SWT1: variants seen among roughly 807,000 people sequenced by gnomAD.
The protein encoded by SWT1 is SWT1 RNA endoribonuclease homolog.
SWT1 carries 33 observed loss-of-function variants against 107.3 expected under a neutral mutation model. The ratio of observed to expected loss-of-function variants is 0.31; its 90% CI spans 0.23 to 0.41. SWT1 has a LOEUF of 0.41. SWT1 is among the 10% of genes least tolerant of loss of function. The pLI, the probability that SWT1 is intolerant of heterozygous loss-of-function variation, is 1.00. For synonymous variants in SWT1, 345 were observed against 348.3 expected (o/e 0.99, Z 0.11); for missense variants, 898 against 1,028.9 (o/e 0.87, Z 1.74).
intron 16 of SWT1, among the ~76,000 whole-genome samples, chr1:185,255,461 C>T (rs1662417178): frequency 1.5e-5 from 2 of 134,128 alleles, no homozygotes; most frequent in Admixed American, 1.5e-4. Context: ...AATCTTGGTG[C>T]TCCTGTATTG....
intron 17 of SWT1, among the ~76,000 whole-genome samples, chr1:185,275,649 T>C (rs1376437594): frequency 6.6e-6 from 1 of 151,896 alleles, no homozygotes; most frequent in Non-Finnish European, 1.5e-5. Flanking sequence ...CCTTCCAAAG[T>C]GCTGGGATTA....
chr1:185,178,804 T>A (rs1490812339), intron 5 of SWT1, among the ~76,000 whole-genome samples: 1 of 152,208 alleles, frequency 6.6e-6, no homozygotes, highest in Non-Finnish European at 1.5e-5. Context: ...ATTATGACTC[T>A]CAGGGTCATG....
upstream of SWT1, chr1:185,157,063 C>A: frequency 3.5e-6 from 1 of 287,352 alleles, no homozygotes; most frequent in Non-Finnish European, 6.7e-6. Context: ...CCAAACCGAA[C>A]AAAGACTACA....
At chr1:185,264,184 G>A (rs987696251) in intron 16 of SWT1, 2 of 208,924 alleles carry the variant, frequency 9.6e-6, no homozygotes, top group African/African-American at 4.8e-5. Context: ...TTCACATTTG[G>A]CGCCTCTTTT....
At chr1:185,286,385 G>A (rs1442275095) in intron 18 of SWT1, among the ~76,000 whole-genome samples, 1 of 151,886 alleles carries the variant, frequency 6.6e-6, no homozygotes, top group Non-Finnish European at 1.5e-5. Context: ...CACCAGGCCC[G>A]GCTAATTTTT....
intron 13 of SWT1, among the ~76,000 whole-genome samples, chr1:185,211,015 A>G (rs568461999): frequency 4.6e-4 from 62 of 136,020 alleles, no homozygotes; most frequent in African/African-American, 1.4e-3. Context: ...GTCAAGAACT[A>G]CAAACCGCTG....
chr1:185,185,531 C>T (rs1010589997), intron 9 of SWT1, among the ~76,000 whole-genome samples: 1 of 152,000 alleles, frequency 6.6e-6, no homozygotes, highest in Non-Finnish European at 1.5e-5. Flanking sequence ...GGAGTTTATA[C>T]ATATATATTT....
At chr1:185,260,939 A>G (rs982709157) in intron 16 of SWT1, among the ~76,000 whole-genome samples, 16 of 152,148 alleles carry the variant, frequency 1.1e-4, no homozygotes, top group African/African-American at 3.4e-4. Flanking sequence ...TGGTTCCTCA[A>G]AAACCTCCTT....
intron 16 of SWT1, among the ~76,000 whole-genome samples, chr1:185,268,154 A>G (rs1341414076): frequency 6.6e-5 from 10 of 152,224 alleles, no homozygotes; most frequent in African/African-American, 1.7e-4. Context: ...AAATTTTATC[A>G]TATATCCTAT....
intron 16 of SWT1, among the ~76,000 whole-genome samples, chr1:185,254,397 T>G (rs1662307650): frequency 7.7e-6 from 1 of 129,932 alleles, no homozygotes; most frequent in African/African-American, 3.5e-5. Flanking sequence ...CGGCTGTGAA[T>G]CCATCTGGTC....
At chr1:185,217,051 T>A (rs770612991) in intron 14 of SWT1, among the ~76,000 whole-genome samples, 2 of 152,210 alleles carry the variant, frequency 1.3e-5, no homozygotes, top group African/African-American at 2.4e-5. Flanking sequence ...AGCAAGAGAT[T>A]CATGAAGGCG....
intron 18 of SWT1, among the ~76,000 whole-genome samples, chr1:185,286,942 C>T (rs1460969894): frequency 3.3e-5 from 5 of 151,982 alleles, no homozygotes; most frequent in Admixed American, 6.5e-5. Context: ...ATTCTTTTAC[C>T]GTTGATGTTA....
chr1:185,273,252 A>C (rs1664009329), intron 17 of SWT1, among the ~76,000 whole-genome samples: 1 of 152,106 alleles, frequency 6.6e-6, no homozygotes, highest in Non-Finnish European at 1.5e-5. Flanking sequence ...TAAAAGTACA[A>C]AAATTAGCTA....
chr1:185,286,174 T>C (rs1266563306), intron 18 of SWT1, among the ~76,000 whole-genome samples: 1 of 152,148 alleles, frequency 6.6e-6, no homozygotes, highest in East Asian at 1.9e-4. Flanking sequence ...TCCATTAACA[T>C]AGGATGCTTT....
In SWT1 at chr1:185,231,714, C is replaced by T. The variant is rs368682897; in HGVS notation, c.2441+6C>T. The T allele has an allele frequency of 1.2e-5, 19 of 1,594,622 alleles. No homozygotes were observed. The African/African-American group carries it at 2.2e-4, about 18-fold the overall frequency. ...ATTCTTGAAGGAATTCAAAGGTAAA[C>T]ACTATATTAATTTTAAAGTGTTATT... On this transcript the variant is annotated splice_donor_region_variant and intron_variant, in intron 16 of 18. Coordinates refer to ENST00000367500, the MANE Select transcript of SWT1 (RefSeq NM_017673.7).
At chr1:185,273,149 A>G (rs866084468) in intron 17 of SWT1, among the ~76,000 whole-genome samples, 1 of 152,190 alleles carries the variant, frequency 6.6e-6, no homozygotes, top group Non-Finnish European at 1.5e-5. Flanking sequence ...TCACAGCTAT[A>G]ATCTCAGCAC....
At chr1:185,267,936 C>T (rs549545072) in intron 16 of SWT1, among the ~76,000 whole-genome samples, 1 of 152,246 alleles carries the variant, frequency 6.6e-6, no homozygotes, top group South Asian at 2.1e-4. Context: ...GGCATTTTCT[C>T]TATTTTATTT....
rs1267585658 is a variant in SWT1 at position 185,174,683 on chromosome 1, A to G, written c.536A>G (p.Gln179Arg). 2 of 1,613,680 alleles carry G rather than the reference A, an allele frequency of 1.2e-6. No individual in the cohort carries two copies. The highest frequency in any genetic ancestry group is 4.5e-5 in the East Asian group (2 of 44,856). The change falls in exon 5 of 19, where the codon CAG becomes CGG. Residue 179 changes from glutamine to arginine, a missense_variant. This residue lies in a region of SWT1 where 382 missense variants were observed against 362.4 expected (regional missense o/e 1.05). Transcript: ENST00000367500. Reference sequence around the variant, plus strand: ...AATAAATGGTCTCATTTACTTGTTCAGAGAGAGAAGATGAAAGAACTCAAG... The same window carrying G: ...AATAAATGGTCTCATTTACTTGTTCGGAGAGAGAAGATGAAAGAACTCAAG... ...SENKWSHLLV[Q>R]REKMKELKKG... is the part of the protein sequence containing the mutation.
intron 16 of SWT1, among the ~76,000 whole-genome samples, chr1:185,265,475 C>T (rs1221121177): frequency 6.6e-6 from 1 of 152,062 alleles, no homozygotes; most frequent in Non-Finnish European, 1.5e-5. Context: ...ACATTTTCAC[C>T]GAGTTTATCA....
Sources: gnomAD v4.1 joint callset for allele counts (sites outside exome capture counted in the v4.1 genomes callset) on GRCh38, gnomAD v4.1.1 for gene constraint, gnomAD v4.1.1 regional missense constraint, MANE v1.5 for transcripts, NCBI Gene and HGNC (gene_info 2026-07-23, HGNC 2026-07-21) for gene names.